The following MTHFD1L variants were observed in gnomAD, a reference collection of about 807,000 sequenced individuals.
The protein encoded by MTHFD1L is monofunctional C1-tetrahydrofolate synthase, mitochondrial.
In MTHFD1L, 81 loss-of-function variants were observed where a neutral mutation model predicts 119.5. That is an observed-to-expected ratio of 0.68 (90% CI 0.57 to 0.82). MTHFD1L has a LOEUF of 0.82. MTHFD1L is among the 40% of genes least tolerant of loss of function. The pLI, the probability that MTHFD1L is intolerant of heterozygous loss-of-function variation, is 0.00. For missense variants in MTHFD1L, 1,125 were observed against 1,253.4 expected, an observed-to-expected ratio of 0.90 and a Z score of 1.55; for synonymous variants, 430 against 475.2, an observed-to-expected ratio of 0.90 and a Z score of 1.24.
intron 7 of MTHFD1L, among the ~76,000 whole-genome samples, chr6:150,899,565 A>G (rs1177383744): frequency 6.6e-6 from 1 of 152,228 alleles, no homozygotes; most frequent in Non-Finnish European, 1.5e-5. Flanking sequence ...ATTTAATGAT[A>G]TGTTTTAATA....
intron 11 of MTHFD1L, among the ~76,000 whole-genome samples, chr6:150,931,268 C>CTTTTTTTTTT (rs370763551): frequency 1.6e-5 from 2 of 123,732 alleles, no homozygotes; most frequent in African/African-American, 2.8e-5. Context: ...ATCATTTCAT[C>CTTTTTTTTTT]TTTTTTTTTT....
intron 7 of MTHFD1L, among the ~76,000 whole-genome samples, chr6:150,896,910 A>G (rs1784322786): frequency 1.3e-5 from 2 of 151,944 alleles, no homozygotes; most frequent in African/African-American, 4.8e-5. Flanking sequence ...AATCGAGACC[A>G]TCCTGGCTAA....
At chr6:150,963,279 CAT>C (rs112318791) in intron 18 of MTHFD1L, among the ~76,000 whole-genome samples, 8 of 152,070 alleles carry the variant, frequency 5.3e-5, no homozygotes, top group African/African-American at 1.5e-4. Flanking sequence ...GCATTCATAT[CAT>C]GTGTGTTTTA....
At chr6:151,043,095 C>G (rs992042281) in intron 26 of MTHFD1L, among the ~76,000 whole-genome samples, 3 of 152,074 alleles carry the variant, frequency 2.0e-5, no homozygotes, top group Non-Finnish European at 4.4e-5. Flanking sequence ...GAAGTGTATT[C>G]AGTATGATTT....
At chr6:150,890,615 G>A (rs1254268141) in intron 7 of MTHFD1L, among the ~76,000 whole-genome samples, 2 of 152,178 alleles carry the variant, frequency 1.3e-5, no homozygotes, top group Non-Finnish European at 2.9e-5. Context: ...TGGTGTATCC[G>A]TACAGTTCTG....
intron 8 of MTHFD1L, among the ~76,000 whole-genome samples, chr6:150,911,592 A>G (rs1786886937): frequency 6.6e-6 from 1 of 152,150 alleles, no homozygotes; most frequent in Non-Finnish European, 1.5e-5. Flanking sequence ...CAATTATAGT[A>G]GAAGGGGAAG....
intron 26 of MTHFD1L, among the ~76,000 whole-genome samples, chr6:151,071,703 C>G (rs989135549): frequency 6.6e-6 from 1 of 152,084 alleles, no homozygotes; most frequent in Non-Finnish European, 1.5e-5. Flanking sequence ...AAAGAATCCT[C>G]TTTTTTTATT....
rs1231835486 is a variant in MTHFD1L, at chr6:150,926,332, C to T, written c.1256+37C>T. 1.3e-6 allele frequency: 2 copies of T among 1,564,246 alleles called. No individual in the cohort carries two copies. Among genetic ancestry groups the T allele is most frequent in the Non-Finnish European group, 1.8e-6 (2 of 1,141,958 alleles). On this transcript the variant is annotated intron_variant, in intron 11 of 27. Transcript: ENST00000367321. This position sits in a 1 kb window ranked among gnomAD's most constrained non-coding sequence, Gnocchi z 4.3. ...TCTAACATCTACTTGATCAAGCAGA[C>T]ATATTTACAAAACTCTTCCCTATTT...
At chr6:150,923,764 AGGAGGGTGTGACCCTCCT>A (rs1789475997) in intron 10 of MTHFD1L, among the ~76,000 whole-genome samples, 1 of 151,594 alleles carries the variant, frequency 6.6e-6, no homozygotes, top group South Asian at 2.1e-4. Flanking sequence ...TCTACCCACT[AGGAGGGTGTGACCCTCCT>A]GGACATGTTT....
intron 24 of MTHFD1L, among the ~76,000 whole-genome samples, chr6:151,029,346 A>G (rs9478915): frequency 0.33 from 49,699 of 151,664 alleles, 9,091 homozygotes; most frequent in African/African-American, 0.47. Flanking sequence ...TGCTTGACCC[A>G]GAAGGCAGAG....
chr6:150,974,735 T>C (rs1014429610), intron 20 of MTHFD1L, among the ~76,000 whole-genome samples: 2 of 151,728 alleles, frequency 1.3e-5, no homozygotes, highest in African/African-American at 2.4e-5. Flanking sequence ...TTTTTTTTTT[T>C]TTTTTTTTTA....
At chr6:151,099,733 C>G in intron 27 of MTHFD1L, 1 of 1,610,662 alleles carries the variant, frequency 6.2e-7, no homozygotes, top group Non-Finnish European at 8.5e-7. Context: ...AAAGCACATG[C>G]TGCCCAGTGG....
At chr6:151,077,202 A>G (rs535269471) in intron 26 of MTHFD1L, among the ~76,000 whole-genome samples, 3 of 152,258 alleles carry the variant, frequency 2.0e-5, no homozygotes, top group Non-Finnish European at 4.4e-5. Flanking sequence ...AAGGGTCAGC[A>G]AAATAAATGT....
At chr6:150,960,034 C>T (rs536323869) in intron 17 of MTHFD1L, among the ~76,000 whole-genome samples, 46 of 152,218 alleles carry the variant, frequency 3.0e-4, no homozygotes, top group Admixed American at 6.5e-4. Context: ...ACTCAGCCCA[C>T]CCTTTGCTGA....
Position 150,926,063 on chromosome 6 carries a change from A to G in MTHFD1L, c.1083-59A>G. The G allele has an allele frequency of 2.7e-6, 4 of 1,492,224 alleles. No homozygotes were observed. The South Asian group carries it at 5.1e-5, about 19-fold the overall frequency. The allele number at this position is 1,492,224 out of a possible 1,614,324, so 92.4% of individuals were successfully genotyped here. ...CGTGATGTGTGGCTGTTTTCACTCC[A>G]GTTGTGACCACCTAAGCTGAGAAGC... On this transcript the variant is annotated intron_variant, in intron 10 of 27. Transcript: ENST00000367321. This position sits in a 1 kb window ranked among gnomAD's most constrained non-coding sequence, Gnocchi z 4.3.
At chr6:150,984,618 C>G (rs1056195803) in intron 20 of MTHFD1L, among the ~76,000 whole-genome samples, 2 of 149,936 alleles carry the variant, frequency 1.3e-5, no homozygotes, top group African/African-American at 4.9e-5. Context: ...TAAAAAAGTA[C>G]CTACCGTCCC....
intron 8 of MTHFD1L, among the ~76,000 whole-genome samples, chr6:150,917,738 A>C (rs550694953): frequency 6.6e-6 from 1 of 152,200 alleles, no homozygotes; most frequent in African/African-American, 2.4e-5. Flanking sequence ...GATATTACTC[A>C]CATTAATTAA....
intron 24 of MTHFD1L, among the ~76,000 whole-genome samples, chr6:151,018,487 G>C (rs983101090): frequency 6.6e-6 from 1 of 152,146 alleles, no homozygotes; most frequent in African/African-American, 2.4e-5. Context: ...CTCTTAGGTG[G>C]AAACTGGTGA....
intron 7 of MTHFD1L, among the ~76,000 whole-genome samples, chr6:150,897,627 G>A (rs1455242489): frequency 6.6e-6 from 1 of 152,162 alleles, no homozygotes; most frequent in Non-Finnish European, 1.5e-5. Flanking sequence ...GTCATCAGGG[G>A]CCAGTGAAGT....
Sources: allele counts gnomAD v4.1 joint callset (sites outside exome capture counted in the v4.1 genomes callset), GRCh38; gene constraint gnomAD v4.1.1; non-coding constraint Gnocchi (gnomAD v3.1); transcripts MANE v1.5; gene names NCBI Gene and HGNC (gene_info 2026-07-23, HGNC 2026-07-21).